The following COL11A1 variants were observed in gnomAD, a reference collection of about 807,000 sequenced individuals.
The protein encoded by COL11A1 is collagen alpha-1(XI) chain.
COL11A1 carries 74 observed loss-of-function variants against 265.2 expected under a neutral mutation model. The ratio of observed to expected loss-of-function variants is 0.28; its 90% CI spans 0.23 to 0.34. The LOEUF is 0.34. Among genes scored for constraint, COL11A1 ranks in the 10% least tolerant of loss-of-function variants. The pLI, the probability that COL11A1 is intolerant of heterozygous loss-of-function variation, is 1.00. For synonymous variants in COL11A1, 816 were observed against 727.6 expected, an observed-to-expected ratio of 1.12 and a Z score of -1.96; for missense variants, 2,165 against 2,263.6, an observed-to-expected ratio of 0.96 and a Z score of 0.88.
intron 24 of COL11A1, among the ~76,000 whole-genome samples, chr1:102,998,989 A>G (rs991672611): frequency 1.8e-4 from 28 of 152,072 alleles, no homozygotes; most frequent in African/African-American, 6.7e-4. Flanking sequence ...CCATTTCTAA[A>G]TTTGGAACAT....
intron 54 of COL11A1, 26 bp from the exon 55 acceptor site, chr1:102,899,020 A>G (rs1471551122): frequency 2.2e-6 from 3 of 1,387,942 alleles, no homozygotes; most frequent in Non-Finnish European, 3.0e-6. Flanking sequence ...TTATTGTAAA[A>G]TATGTATCAC....
rs760018604 is a variant in COL11A1, at chr1:102,888,570, T to C, written c.4608+7A>G. ...TCAGAACATCACTCTTGTTAACATA[T>C]ACTTACTGGAGACCCAGGAGGCCCT... On this transcript the variant is annotated splice_region_variant and intron_variant, in intron 62 of 66. Coordinates refer to ENST00000370096, the MANE Select transcript of COL11A1 (RefSeq NM_001854.4). The C allele has an allele frequency of 7.4e-6, 12 of 1,611,504 alleles. No individual in the cohort carries two copies. Among genetic ancestry groups the C allele is most frequent in the African/African-American group, 1.3e-5 (1 of 74,846 alleles).
At chr1:103,050,390 C>T (rs1397693914) in intron 4 of COL11A1, among the ~76,000 whole-genome samples, 1 of 152,190 alleles carries the variant, frequency 6.6e-6, no homozygotes, top group Non-Finnish European at 1.5e-5. Context: ...CAGTTGATCG[C>T]ATCGGCTACT....
At chr1:103,061,782 A>T (rs185151979) in intron 4 of COL11A1, among the ~76,000 whole-genome samples, 1 of 152,024 alleles carries the variant, frequency 6.6e-6, no homozygotes, top group Non-Finnish European at 1.5e-5. Context: ...CTATCCTAAG[A>T]ATCTAAACAA....
At chr1:103,071,244 A>AT (rs746712653) in intron 4 of COL11A1, among the ~76,000 whole-genome samples, 1 of 147,304 alleles carries the variant, frequency 6.8e-6, no homozygotes, top group South Asian at 2.1e-4. Context: ...TGTTTTGATT[A>AT]TTTTAAAAAA....
At chr1:103,020,260 G>C (rs2101928599) in intron 9 of COL11A1, among the ~76,000 whole-genome samples, 1 of 141,648 alleles carries the variant, frequency 7.1e-6, no homozygotes, top group East Asian at 2.2e-4. Context: ...GTTGTTTCCT[G>C]ACTTTTTAAT....
In COL11A1 at chr1:102,954,932, C is replaced by T. The variant is rs577733404; in HGVS notation, c.3168+6934G>A. Among the ~76,000 whole-genome samples the T allele has an allele frequency of 6.6e-5, 10 of 151,678 alleles. No homozygotes were observed. In the South Asian group the frequency reaches 1.7e-3, roughly 25 times the overall value. ...TCTACATGACATACATTTTAGATTA[C>T]GTGAACTAAAAATTCAGATGAACTA... On this transcript the variant is annotated intron_variant, in intron 41 of 66. Transcript: ENST00000370096.
At chr1:103,024,716 C>G (rs991315040) in intron 7 of COL11A1, among the ~76,000 whole-genome samples, 1 of 152,054 alleles carries the variant, frequency 6.6e-6, no homozygotes, top group African/African-American at 2.4e-5. Flanking sequence ...TCCATTCTCA[C>G]CCTAAACATT....
intron 31 of COL11A1, 32 bp from the exon 32 acceptor site, chr1:102,979,467 A>T: frequency 7.0e-7 from 1 of 1,419,590 alleles, no homozygotes. Context: ...ATGAATAAAC[A>T]TGGCAATTAA....
chr1:103,087,486 A>G (rs1267610963), intron 1 of COL11A1, among the ~76,000 whole-genome samples: 1 of 152,126 alleles, frequency 6.6e-6, no homozygotes, highest in African/African-American at 2.4e-5. Flanking sequence ...TGAATATACA[A>G]CTTGGATATC....
chr1:102,914,108 A>G (rs920271687), intron 52 of COL11A1, among the ~76,000 whole-genome samples: 3 of 152,244 alleles, frequency 2.0e-5, no homozygotes, highest in African/African-American at 4.8e-5. Context: ...ACAACCCATC[A>G]AAGTCTAGGA....
At chr1:103,072,677 T>C (rs1014645236) in intron 4 of COL11A1, among the ~76,000 whole-genome samples, 1 of 151,834 alleles carries the variant, frequency 6.6e-6, no homozygotes, top group Non-Finnish European at 1.5e-5. Context: ...AAATTTGGAC[T>C]AAACATCCAT....
intron 36 of COL11A1, among the ~76,000 whole-genome samples, chr1:102,970,744 G>A (rs1415654262): frequency 4.6e-5 from 7 of 152,046 alleles, no homozygotes; most frequent in African/African-American, 9.7e-5. Context: ...GGCCGGGCAG[G>A]GTGGCTGACA....
chr1:102,935,101 G>C lies in COL11A1; in HGVS notation c.3451C>G (p.Pro1151Ala). Residue 1151 changes from proline to alanine, a missense_variant, in exon 45 of 67, where the codon CCC (proline) becomes GCC (alanine). By Grantham distance (27) the Pro-to-Ala change is conservative. Transcript: ENST00000370096. ...CCAACTGGTCCTTGAAGACCTGGGG[G>C]ACCGGGAGGGCCCTGCAGTGAGATA... ...GDKGENGPPG[P>A]PGLQGPVGAP... 6.2e-7 allele frequency: 1 copy of C among 1,613,944 alleles called. No homozygotes were observed. Among genetic ancestry groups the C allele is most frequent in the South Asian group, 1.1e-5 (1 of 91,038 alleles).
At chr1:102,911,669 A>G (rs558161664) in intron 54 of COL11A1, among the ~76,000 whole-genome samples, 313 of 152,326 alleles carry the variant, frequency 2.1e-3, no homozygotes, top group Non-Finnish European at 3.0e-3. Flanking sequence ...ATATTTTGCT[A>G]TAGCACATCA....
chr1:103,098,012 T>G (rs566368072), intron 1 of COL11A1, among the ~76,000 whole-genome samples: 29 of 151,970 alleles, frequency 1.9e-4, no homozygotes, highest in African/African-American at 7.0e-4. Flanking sequence ...CAAAAACTAG[T>G]TGAGAGTATG....
intron 4 of COL11A1, among the ~76,000 whole-genome samples, chr1:103,031,691 A>G (rs1370781042): frequency 6.6e-6 from 1 of 152,084 alleles, no homozygotes; most frequent in African/African-American, 2.4e-5. Flanking sequence ...GGAAATTTAT[A>G]TGAAATTTTT....
chr1:103,070,534 G>A (rs1332219126), intron 4 of COL11A1, among the ~76,000 whole-genome samples: 1 of 151,846 alleles, frequency 6.6e-6, no homozygotes, highest in Non-Finnish European at 1.5e-5. Context: ...CTTCATGATT[G>A]TCTGGGGTTA....
chr1:103,044,591 G>T (rs1669100288), intron 4 of COL11A1, among the ~76,000 whole-genome samples: 1 of 151,956 alleles, frequency 6.6e-6, no homozygotes, highest in South Asian at 2.1e-4. Context: ...TACCAATATG[G>T]CTCTATTGCA....
Sources: gnomAD v4.1 joint callset for allele counts (sites outside exome capture counted in the v4.1 genomes callset) on GRCh38, gnomAD v4.1.1 for gene constraint, MANE v1.5 for transcripts, NCBI Gene and HGNC (gene_info 2026-07-23, HGNC 2026-07-21) for gene names.